FBXW8: variants seen among roughly 807,000 people sequenced by gnomAD.
FBXW8 encodes F-box/WD repeat-containing protein 8.
A neutral mutation model predicts 65.3 loss-of-function variants in FBXW8; 57 were observed. That is an observed-to-expected ratio of 0.87 (90% confidence interval 0.71 to 1.09). FBXW8 has a LOEUF of 1.09. Ranked by LOEUF, FBXW8 falls within the 50% of genes least tolerant of loss-of-function variation. The pLI is 0.00. For missense variants in FBXW8, 777 were observed against 814.8 expected, an observed-to-expected ratio of 0.95 and a Z score of 0.57; for synonymous variants, 308 against 330.2, an observed-to-expected ratio of 0.93 and a Z score of 0.73.
At chr12:116,917,863 G>A (rs148324700) in intron 1 of FBXW8, among the ~76,000 whole-genome samples, 317 of 152,060 alleles carry the variant, frequency 2.1e-3, no homozygotes, top group African/African-American at 7.3e-3. Context: ...GTGGTGGCAC[G>A]TGCCTGTAGT....
intron 8 of FBXW8, 87 bp from the exon 9 acceptor site, chr12:117,024,060 A>C (rs970247898): frequency 2.1e-6 from 3 of 1,415,540 alleles, no homozygotes; most frequent in Non-Finnish European, 2.9e-6. Flanking sequence ...TGTTGTGCAT[A>C]GACCAGCACC....
At chr12:116,941,047 A>T (rs1882531293) in intron 2 of FBXW8, among the ~76,000 whole-genome samples, 1 of 152,270 alleles carries the variant, frequency 6.6e-6, no homozygotes, top group Non-Finnish European at 1.5e-5. Flanking sequence ...GTGGAAGAGC[A>T]AATAGATTTC....
chr12:116,962,591 A>G (rs564963343), intron 4 of FBXW8, among the ~76,000 whole-genome samples: 1 of 152,334 alleles, frequency 6.6e-6, no homozygotes. Flanking sequence ...ACAGTTTCCT[A>G]GTTTATGTAC....
At chr12:116,989,154 C>T (rs760233320) in intron 7 of FBXW8, among the ~76,000 whole-genome samples, 14 of 152,142 alleles carry the variant, frequency 9.2e-5, no homozygotes, top group Non-Finnish European at 2.1e-4. Context: ...ATACTAAAAA[C>T]ATATTGTTGT....
At chr12:116,982,013 AAG>A (rs1885338267) in intron 5 of FBXW8, among the ~76,000 whole-genome samples, 1 of 152,206 alleles carries the variant, frequency 6.6e-6, no homozygotes, top group Non-Finnish European at 1.5e-5. Context: ...TAAAATAACA[AAG>A]AGTTTTGGCT....
At chr12:116,990,495 C>T (rs1460101422) in intron 7 of FBXW8, among the ~76,000 whole-genome samples, 1 of 152,030 alleles carries the variant, frequency 6.6e-6, no homozygotes, top group East Asian at 1.9e-4. Context: ...GACCATTTTG[C>T]TTTCTAATTT....
At chr12:117,022,743 C>CT (rs1478346081) in intron 8 of FBXW8, among the ~76,000 whole-genome samples, 12 of 152,218 alleles carry the variant, frequency 7.9e-5, no homozygotes, top group African/African-American at 2.9e-4. Flanking sequence ...ACTGAGTAAA[C>CT]TGCCCCTTCG....
intron 7 of FBXW8, among the ~76,000 whole-genome samples, chr12:116,999,617 C>T (rs1474307090): frequency 6.6e-6 from 1 of 151,024 alleles, no homozygotes; most frequent in Non-Finnish European, 1.5e-5. Flanking sequence ...CCCCTCCTCA[C>T]GGTCCACTTC....
At chr12:116,928,168 T>G in intron 2 of FBXW8, 41 bp downstream of exon 2, 2 of 1,270,828 alleles carry the variant, frequency 1.6e-6, no homozygotes, top group Non-Finnish European at 2.3e-6. Context: ...TTCCTAAATG[T>G]GTGATTAAGG....
intron 9 of FBXW8, 52 bp downstream of exon 9, chr12:117,024,372 C>G (rs765178343): frequency 6.3e-7 from 1 of 1,597,648 alleles, no homozygotes; most frequent in South Asian, 1.1e-5. Context: ...ACAGGGAAGG[C>G]AGCACTAATC....
chr12:116,969,730 C>A (rs866421106), intron 5 of FBXW8, among the ~76,000 whole-genome samples: 1 of 151,106 alleles, frequency 6.6e-6, no homozygotes, highest in Non-Finnish European at 1.5e-5. Context: ...TGGAGGGAAT[C>A]GTATCCAGAG....
chr12:116,948,767 T>G (rs547157359), intron 3 of FBXW8: 3 of 152,344 alleles, frequency 2.0e-5, no homozygotes, highest in South Asian at 4.1e-4. Context: ...ATTTTTTATT[T>G]TTTTAGAGAT....
chr12:116,931,682 T>C (rs1439013830), intron 2 of FBXW8, among the ~76,000 whole-genome samples: 2 of 152,212 alleles, frequency 1.3e-5, no homozygotes, highest in African/African-American at 4.8e-5. Flanking sequence ...GTTGTTAGTA[T>C]ATAGAAACTC....
intron 7 of FBXW8, among the ~76,000 whole-genome samples, chr12:117,001,406 C>T (rs946447683): frequency 3.3e-5 from 5 of 152,102 alleles, no homozygotes; most frequent in African/African-American, 1.2e-4. Flanking sequence ...CTAGAAGTTG[C>T]CAGGCTAGTC....
chr12:116,940,596 G>C (rs899803925), intron 2 of FBXW8, among the ~76,000 whole-genome samples: 1 of 151,548 alleles, frequency 6.6e-6, no homozygotes, highest in Admixed American at 6.6e-5. Flanking sequence ...TGTGAACGGT[G>C]AGAGATACTC....
intron 5 of FBXW8, among the ~76,000 whole-genome samples, chr12:116,965,660 A>AT (rs1484638835): frequency 6.6e-6 from 1 of 152,250 alleles, no homozygotes; most frequent in African/African-American, 2.4e-5. Flanking sequence ...TCAGTGTGAC[A>AT]TTAGCAGTTG....
chr12:116,929,892 T>C (rs1881635851), intron 2 of FBXW8, among the ~76,000 whole-genome samples: 1 of 152,222 alleles, frequency 6.6e-6, no homozygotes, highest in South Asian at 2.1e-4. Context: ...TTCTATGAGC[T>C]CAACTTTTTT....
chr12:116,971,112 C>G (rs1884621976), intron 5 of FBXW8, among the ~76,000 whole-genome samples: 1 of 152,042 alleles, frequency 6.6e-6, no homozygotes, highest in Admixed American at 6.6e-5. Flanking sequence ...TGTGGTGGCT[C>G]AGGCTTGTAA....
At chr12:117,003,067 G>A (rs2135700008) in intron 7 of FBXW8, 1 of 152,294 alleles carries the variant, frequency 6.6e-6, no homozygotes, top group South Asian at 2.1e-4. Context: ...AGCATCACTA[G>A]TCTTGTATGT....
Sources: gnomAD v4.1 joint callset for allele counts (sites outside exome capture counted in the v4.1 genomes callset) on GRCh38, gnomAD v4.1.1 for gene constraint, MANE v1.5 for transcripts, NCBI Gene and HGNC (gene_info 2026-07-23, HGNC 2026-07-21) for gene names.